Variants in DCAF17 observed in about 807,000 individuals in gnomAD.
DCAF17 encodes the protein DDB1 and CUL4 associated factor 17, also known as DDB1- and CUL4-associated factor 17.
In DCAF17, 48 loss-of-function variants were observed where a neutral mutation model predicts 66.0. That is an observed-to-expected ratio of 0.73 (90% CI 0.58 to 0.92). The LOEUF (loss-of-function observed/expected upper bound fraction) is 0.92, where lower values mean the gene tolerates loss of function less well. Ranked by LOEUF, DCAF17 falls within the 40% of genes least tolerant of loss-of-function variation. The probability of loss-of-function intolerance (pLI) is 0.00; values close to 1 mark genes in which losing one functional copy is unlikely to be tolerated. For synonymous variants in DCAF17, 206 were observed against 214.6 expected (o/e 0.96, Z 0.35); for missense variants, 562 against 622.8 (o/e 0.90, Z 1.04).
At chr2:171,472,931 C>T (rs192096175) in intron 9 of DCAF17, 11 of 334,394 alleles carry the variant, frequency 3.3e-5, no homozygotes, top group African/African-American at 1.8e-4. Context: ...AGTTGATGTT[C>T]GTTCCCAGTG....
chr2:171,440,434 G>T (rs972763693), intron 2 of DCAF17, among the ~76,000 whole-genome samples: 3 of 152,110 alleles, frequency 2.0e-5, no homozygotes, highest in Admixed American at 2.0e-4. Flanking sequence ...CATTAGCTGG[G>T]CATGGTGGCA....
intron 8 of DCAF17, among the ~76,000 whole-genome samples, chr2:171,459,046 A>G (rs1049145906): frequency 2.0e-5 from 3 of 152,232 alleles, no homozygotes; most frequent in Non-Finnish European, 2.9e-5. Flanking sequence ...ATGGTGGCTC[A>G]TGCCCGTAAT....
intron 3 of DCAF17, among the ~76,000 whole-genome samples, chr2:171,444,872 G>C (rs1694526119): frequency 6.6e-6 from 1 of 152,014 alleles, no homozygotes; most frequent in Non-Finnish European, 1.5e-5. Context: ...TGGAGCTGCT[G>C]CTTTCTTTTT....
At chr2:171,457,212 G>A (rs1035963791) in intron 6 of DCAF17, among the ~76,000 whole-genome samples, 6 of 152,210 alleles carry the variant, frequency 3.9e-5, no homozygotes, top group Non-Finnish European at 5.9e-5. Flanking sequence ...TGTTCTCTCT[G>A]TGCCTGTAGG....
rs368787265 is a variant in DCAF17, at chr2:171,457,921, A to T, written c.628-50A>T. 9 of 1,385,522 alleles carry T rather than the reference A, an allele frequency of 6.5e-6. No homozygotes were observed. In the African/African-American group the frequency reaches 1.1e-4, roughly 18 times the overall value. 85.8% of individuals were successfully genotyped at this position (1,385,522 alleles called of 1,614,324 possible). A position where few individuals can be genotyped will look rare whatever the true frequency, so the allele number is the denominator to read the frequency against. On this transcript the variant is annotated intron_variant, in intron 6 of 13. Coordinates refer to ENST00000375255, the MANE Select transcript of DCAF17 (RefSeq NM_025000.4). ...ACAAACCACTGTGAACATTCAGAGG[A>T]TTGGACTTCCAGTCTTTTCTCAGGT...
chr2:171,477,994 A>G lies in DCAF17; in HGVS notation c.1190A>G (p.Asn397Ser). 6.2e-7 allele frequency: 1 copy of G among 1,613,184 alleles called. No homozygotes were observed. Among genetic ancestry groups the G allele is most frequent in the African/African-American group, 1.3e-5 (1 of 75,028 alleles). The change falls in exon 12 of 14, where the codon AAT becomes AGT. Residue 397 changes from asparagine to serine, a missense_variant. Around this residue, in one of 3 missense-constraint regions of DCAF17, gnomAD observed 201 missense variants for 231.1 expected, o/e 0.87. Transcript: ENST00000375255. ...LANRENHKNE[N>S]VLTVTASGRV... Reference sequence around the variant, plus strand: ...TTTCTTTCCATATGATAGAATGAAAATGTACTCACTGTTACAGCTTCTGGA... The same window carrying G: ...TTTCTTTCCATATGATAGAATGAAAGTGTACTCACTGTTACAGCTTCTGGA...
At chr2:171,444,640 C>T in intron 3 of DCAF17, among the ~76,000 whole-genome samples, 1 of 152,166 alleles carries the variant, frequency 6.6e-6, no homozygotes, top group East Asian at 1.9e-4. Flanking sequence ...GATAATCGAC[C>T]TGTATTTGTT....
intron 2 of DCAF17, among the ~76,000 whole-genome samples, chr2:171,435,696 T>G (rs1693860521): frequency 6.6e-6 from 1 of 152,134 alleles, no homozygotes; most frequent in South Asian, 2.1e-4. Flanking sequence ...TTACCCAGAT[T>G]CAAAAACTAT....
At chr2:171,466,811 A>G (rs933057673) in intron 8 of DCAF17, among the ~76,000 whole-genome samples, 2 of 147,830 alleles carry the variant, frequency 1.4e-5, no homozygotes, top group East Asian at 3.9e-4. Context: ...CACATTCTCT[A>G]TAACATACCT....
In DCAF17 at chr2:171,483,302, C is replaced by A. The variant is rs1375770298; in HGVS notation, c.*2188C>A. The A allele has an allele frequency of 4.4e-6, 2 of 454,086 alleles. No individual in the cohort carries two copies. Among genetic ancestry groups the A allele is most frequent in the South Asian group, 3.1e-5 (2 of 64,476 alleles). 28.1% of individuals were successfully genotyped at this position (454,086 alleles called of 1,614,324 possible). On this transcript the variant is annotated 3_prime_UTR_variant, in exon 14 of 14. Coordinates refer to ENST00000375255, the MANE Select transcript of DCAF17 (RefSeq NM_025000.4). Reference sequence around the variant, plus strand: ...TCTAGCTACATGCCCACCTACTTAACAGGTACTAGTGACAGGTACAAAACA... The same window carrying A: ...TCTAGCTACATGCCCACCTACTTAAAAGGTACTAGTGACAGGTACAAAACA...
intron 5 of DCAF17, among the ~76,000 whole-genome samples, chr2:171,452,278 C>G (rs1694998137): frequency 6.6e-6 from 1 of 151,896 alleles, no homozygotes; most frequent in Admixed American, 6.6e-5. Flanking sequence ...TAAGAAATTC[C>G]CTTCAAAACT....
chr2:171,475,621 G>C (rs973169807), intron 10 of DCAF17, among the ~76,000 whole-genome samples: 1 of 152,126 alleles, frequency 6.6e-6, no homozygotes, highest in Non-Finnish European at 1.5e-5. Context: ...AAAATAGCCA[G>C]GCATGATGGT....
At chr2:171,441,475 C>T (rs1694303897) in intron 2 of DCAF17, among the ~76,000 whole-genome samples, 1 of 152,196 alleles carries the variant, frequency 6.6e-6, no homozygotes, top group South Asian at 2.1e-4. Flanking sequence ...GGTAGATCCT[C>T]CATCCCATGA....
intron 9 of DCAF17, chr2:171,472,739 G>T: frequency 6.0e-6 from 1 of 166,444 alleles, no homozygotes. Context: ...ATTGATGTGA[G>T]GTATGAATGC....
intron 3 of DCAF17, among the ~76,000 whole-genome samples, chr2:171,447,825 C>T (rs991386945): frequency 4.6e-5 from 7 of 152,220 alleles, no homozygotes; most frequent in African/African-American, 1.7e-4. Flanking sequence ...AAGAAGAAAA[C>T]TTTGCTTCTC....
rs543380542 is a variant in DCAF17 at position 171,481,603 on chromosome 2, T to G, written c.*489T>G. 2 of 454,090 alleles carry G rather than the reference T, an allele frequency of 4.4e-6. No individual in the cohort carries two copies. The highest frequency in any genetic ancestry group is 2.3e-5 in the Admixed American group (1 of 42,570). The allele number at this position is 454,090 out of a possible 1,614,324, so 28.1% of individuals were successfully genotyped here. A position where few individuals can be genotyped will look rare whatever the true frequency, so the allele number is the denominator to read the frequency against. On this transcript the variant is annotated 3_prime_UTR_variant, in exon 14 of 14. Transcript: ENST00000375255. ...AGATGTGTTATGTGAGAACATTATT[T>G]TGAGCCCAAAATGTGTCATCACAGT...
At chr2:171,454,768 A>G (rs1436860487) in intron 6 of DCAF17, among the ~76,000 whole-genome samples, 1 of 151,682 alleles carries the variant, frequency 6.6e-6, no homozygotes, top group Non-Finnish European at 1.5e-5. Context: ...GTGGTAGTGC[A>G]CACCTGTAGT....
chr2:171,468,040 C>T (rs1356733003), intron 8 of DCAF17, among the ~76,000 whole-genome samples: 1 of 152,116 alleles, frequency 6.6e-6, no homozygotes, highest in Admixed American at 6.5e-5. Context: ...CCTGCCCAAA[C>T]AGACCATGTG....
chr2:171,474,078 A>G, intron 10 of DCAF17, 103 bp downstream of exon 10: 1 of 928,302 alleles, frequency 1.1e-6, no homozygotes, highest in Non-Finnish European at 1.7e-6. Flanking sequence ...TAATGGAAAT[A>G]ATTAGCTTGT....
Sources: allele counts gnomAD v4.1 joint callset (sites outside exome capture counted in the v4.1 genomes callset), GRCh38; gene constraint gnomAD v4.1.1; regional missense constraint gnomAD v4.1.1; transcripts MANE v1.5; gene names NCBI Gene and HGNC (gene_info 2026-07-23, HGNC 2026-07-21).